Variants in QTGAL observed in about 807,000 individuals in gnomAD.
QTGAL encodes the protein BGnT-like protein 1.
the QTGAL span, chr17:82,942,455 G>T: frequency 6.2e-7 from 1 of 1,613,966 alleles, no homozygotes; most frequent in African/African-American, 1.3e-5. Flanking sequence ...TCAGCCTGGT[G>T]CCTGCTGAAG....
the QTGAL span, chr17:82,943,001 G>A: frequency 5.7e-3 from 970 of 170,762 alleles, 3 homozygotes; most frequent in Admixed American, 9.1e-3. Flanking sequence ...TCTGCCTGGT[G>A]GGGGTGCTGT....
the QTGAL span, among the ~76,000 whole-genome samples, chr17:83,046,695 A>T: frequency 6.6e-6 from 1 of 152,256 alleles, no homozygotes; most frequent in East Asian, 1.9e-4. Context: ...ACAGAATTAC[A>T]ATATGAGCCA....
chr17:82,965,677 C>A, the QTGAL span: 27 of 1,611,400 alleles, frequency 1.7e-5, no homozygotes, highest in Non-Finnish European at 7.6e-6. Flanking sequence ...AAGGGGCCCA[C>A]GTGGGAGAAC....
chr17:83,051,332 A>C, the QTGAL span, among the ~76,000 whole-genome samples: 3 of 146,428 alleles, frequency 2.0e-5, no homozygotes, highest in Admixed American at 6.8e-5. Flanking sequence ...GGGCGCGGGG[A>C]AGGAGCGCGG....
the QTGAL span, chr17:82,942,659 T>C: frequency 1.5e-6 from 1 of 650,016 alleles, no homozygotes. Flanking sequence ...CGCCTCTGCC[T>C]TCACTTGAAC....
chr17:83,008,822 G>A, the QTGAL span, among the ~76,000 whole-genome samples: 1 of 151,838 alleles, frequency 6.6e-6, no homozygotes, highest in East Asian at 1.9e-4. Context: ...GCCGCCGAGC[G>A]AGTGCGCAGG....
At chr17:82,991,208 C>T in the QTGAL span, among the ~76,000 whole-genome samples, 1 of 152,138 alleles carries the variant, frequency 6.6e-6, no homozygotes, top group African/African-American at 2.4e-5. Flanking sequence ...AAAACCACAT[C>T]CATGGGCGGG....
At chr17:82,995,798 AGAGT>A in the QTGAL span, among the ~76,000 whole-genome samples, 2 of 152,244 alleles carry the variant, frequency 1.3e-5, no homozygotes, top group Non-Finnish European at 2.9e-5. Flanking sequence ...CTAAAATAAA[AGAGT>A]GAAAGATCTC....
chr17:82,974,589 G>A, the QTGAL span, among the ~76,000 whole-genome samples: 2 of 152,182 alleles, frequency 1.3e-5, no homozygotes, highest in African/African-American at 4.8e-5. Context: ...TTTGCGGAGT[G>A]AGCTCAGGCT....
the QTGAL span, among the ~76,000 whole-genome samples, chr17:82,993,782 A>T: frequency 6.6e-6 from 1 of 152,074 alleles, no homozygotes; most frequent in East Asian, 1.9e-4. Context: ...CTGAAATAAT[A>T]TCAAGCATCT....
the QTGAL span, chr17:83,005,602 G>A: frequency 1.4e-6 from 1 of 702,836 alleles, no homozygotes; most frequent in Non-Finnish European, 2.6e-6. This position sits in a 1 kb window ranked among gnomAD's most constrained non-coding sequence, Gnocchi z 5.6. Context: ...AAGTGGATGT[G>A]AGGAAACCGC....
At chr17:83,030,339 G>A in the QTGAL span, among the ~76,000 whole-genome samples, 2 of 152,306 alleles carry the variant, frequency 1.3e-5, no homozygotes, top group East Asian at 1.9e-4. Flanking sequence ...CAGAATGAGC[G>A]CGAATAAAGC....
chr17:83,005,686 G>A, the QTGAL span: 4 of 702,650 alleles, frequency 5.7e-6, no homozygotes, highest in Non-Finnish European at 1.0e-5. This position sits in a 1 kb window ranked among gnomAD's most constrained non-coding sequence, Gnocchi z 5.6. Flanking sequence ...GTGGAGAAGA[G>A]CCTTGCTACC....
chr17:83,040,985 G>T, the QTGAL span, among the ~76,000 whole-genome samples: 1 of 150,690 alleles, frequency 6.6e-6, no homozygotes, highest in East Asian at 1.9e-4. Flanking sequence ...AGAATGGCGT[G>T]AACTTGGGAG....
At chr17:83,036,175 T>C in the QTGAL span, among the ~76,000 whole-genome samples, 82,637 of 152,016 alleles carry the variant, frequency 0.54, 23,055 homozygotes, top group African/African-American at 0.66. Context: ...AAGTGCAGAA[T>C]GGAAAAGCTG....
At chr17:83,019,317 A>G in the QTGAL span, among the ~76,000 whole-genome samples, 5 of 152,278 alleles carry the variant, frequency 3.3e-5, no homozygotes, top group African/African-American at 7.2e-5. Flanking sequence ...AGCCAGGCTT[A>G]TAAGTAAAAA....
chr17:83,029,484 C>T, the QTGAL span, among the ~76,000 whole-genome samples: 24 of 152,082 alleles, frequency 1.6e-4, no homozygotes, highest in Non-Finnish European at 1.0e-4. Context: ...GGATAAGCAT[C>T]GTGGTCACCT....
the QTGAL span, among the ~76,000 whole-genome samples, chr17:83,043,106 T>A: frequency 2.0e-5 from 3 of 151,452 alleles, no homozygotes; most frequent in Non-Finnish European, 2.9e-5. Flanking sequence ...CTACCTTCAA[T>A]AATGGAGAGA....
the QTGAL span, among the ~76,000 whole-genome samples, chr17:82,958,869 G>GTACAC: frequency 7.0e-6 from 1 of 142,134 alleles, no homozygotes; most frequent in Non-Finnish European, 1.5e-5. Flanking sequence ...TGGTGTGTGT[G>GTACAC]TGTGTGTACA....
Sources: gnomAD v4.1 joint callset for allele counts (sites outside exome capture counted in the v4.1 genomes callset) on GRCh38, gnomAD v4.1.1 for gene constraint, Gnocchi (gnomAD v3.1) non-coding constraint, MANE v1.5 for transcripts, NCBI Gene and HGNC (gene_info 2026-07-23, HGNC 2026-07-21) for gene names.